Variants in NAALADL2 observed in about 807,000 individuals in gnomAD.
NAALADL2 encodes inactive N-acetylated-alpha-linked acidic dipeptidase-like protein 2.
In NAALADL2, 76 loss-of-function variants were observed where a neutral mutation model predicts 87.2. The ratio of observed to expected loss-of-function variants is 0.87; its 90% CI spans 0.72 to 1.05. The LOEUF (loss-of-function observed/expected upper bound fraction) is 1.05. NAALADL2 is among the 50% of genes least tolerant of loss of function. NAALADL2 has a pLI of 0.00. For missense variants in NAALADL2, 1,089 were observed against 945.8 expected (o/e 1.15, Z -1.99); for synonymous variants, 354 against 331.0 (o/e 1.07, Z -0.75).
intron 6 of NAALADL2, among the ~76,000 whole-genome samples, chr3:175,447,915 T>C (rs926592212): frequency 1.7e-4 from 26 of 152,290 alleles, no homozygotes; most frequent in African/African-American, 5.5e-4. Context: ...TGTGGAGGGA[T>C]GAAAGCCTTG....
At position 175,638,720 on chromosome 3, in the gene NAALADL2, C is replaced by A. The variant is rs1254153250; in HGVS notation, c.1896+11334C>A. On this transcript the variant is annotated intron_variant, in intron 11 of 13. Transcript: ENST00000454872. ...TTTACTTTAAAAATAAATTATATAA[C>A]TATTTTCCAGAAACCAAAACAGATG... 2.0e-5 allele frequency among the ~76,000 whole-genome samples: 3 copies of A among 152,124 alleles called. No homozygotes were observed. In the East Asian group the frequency reaches 5.8e-4, roughly 29 times the overall value.
intron 2 of NAALADL2, among the ~76,000 whole-genome samples, chr3:175,139,968 G>A (rs1232573454): frequency 6.8e-6 from 1 of 148,008 alleles, no homozygotes; most frequent in Non-Finnish European, 1.5e-5. Context: ...AAAAAGGATT[G>A]AATTAAATGA....
intron 2 of NAALADL2, among the ~76,000 whole-genome samples, chr3:175,183,294 C>A (rs1359954029): frequency 6.6e-6 from 1 of 150,572 alleles, no homozygotes; most frequent in Non-Finnish European, 1.5e-5. Context: ...TTCTTGATTT[C>A]TTTTTCAGAT....
At chr3:174,728,670 G>T (rs1345610522) in intron 2 of NAALADL2, among the ~76,000 whole-genome samples, 1 of 151,918 alleles carries the variant, frequency 6.6e-6, no homozygotes, top group Non-Finnish European at 1.5e-5. Context: ...TTTCACATAT[G>T]AGGAAATAAG....
intron 9 of NAALADL2, among the ~76,000 whole-genome samples, chr3:175,521,009 A>G (rs372289450): frequency 3.9e-5 from 6 of 152,280 alleles, no homozygotes; most frequent in African/African-American, 1.4e-4. Context: ...ATAAAAGTTG[A>G]ATAGTGTCTC....
chr3:175,738,449 G>A (rs1358452714), intron 12 of NAALADL2, among the ~76,000 whole-genome samples: 2 of 152,074 alleles, frequency 1.3e-5, no homozygotes, highest in Non-Finnish European at 1.5e-5. Flanking sequence ...GTTTCACCGT[G>A]TTGTCCAGGC....
intron 1 of NAALADL2, among the ~76,000 whole-genome samples, chr3:174,548,898 G>A (rs1344215107): frequency 6.6e-6 from 1 of 152,162 alleles, no homozygotes; most frequent in African/African-American, 2.4e-5. Context: ...AGAGTGCAGT[G>A]GCACGATCAC....
chr3:174,651,729 C>G (rs915681768), intron 2 of NAALADL2, among the ~76,000 whole-genome samples: 2 of 152,288 alleles, frequency 1.3e-5, no homozygotes, highest in East Asian at 3.9e-4. Context: ...TGCTTCAAAT[C>G]ATAGGCAAAG....
At chr3:174,948,162 C>CTTATTTATTTATTTATTTATTTAT (rs140866333) in intron 1 of NAALADL2, among the ~76,000 whole-genome samples, 6 of 150,196 alleles carry the variant, frequency 4.0e-5, no homozygotes, top group African/African-American at 1.2e-4. Flanking sequence ...CCATATAGAA[C>CTTATTTATTTATTTATTTATTTAT]TTATTTATTT....
chr3:175,314,642 G>A (rs1471982525), intron 4 of NAALADL2, among the ~76,000 whole-genome samples: 4 of 89,088 alleles, frequency 4.5e-5, no homozygotes, highest in Admixed American at 1.4e-4. Flanking sequence ...TAAAATTAGC[G>A]TTTTCTAGTA....
At chr3:175,699,649 C>T (rs1464932186) in intron 11 of NAALADL2, among the ~76,000 whole-genome samples, 3 of 151,964 alleles carry the variant, frequency 2.0e-5, no homozygotes, top group African/African-American at 7.2e-5. Flanking sequence ...AATTAAACAC[C>T]CACTGTTTAC....
chr3:174,696,745 C>T (rs1729057678), intron 2 of NAALADL2, among the ~76,000 whole-genome samples: 1 of 151,624 alleles, frequency 6.6e-6, no homozygotes, highest in Non-Finnish European at 1.5e-5. Flanking sequence ...TATTTTGTAA[C>T]TGCTTTCATT....
At chr3:175,394,486 C>A (rs180981746) in intron 5 of NAALADL2, among the ~76,000 whole-genome samples, 2 of 152,100 alleles carry the variant, frequency 1.3e-5, no homozygotes, top group Admixed American at 1.3e-4. Flanking sequence ...GTACAAATAT[C>A]ATGTGTCAAT....
At chr3:175,638,452 G>A (rs1352236956) in intron 11 of NAALADL2, among the ~76,000 whole-genome samples, 1 of 152,088 alleles carries the variant, frequency 6.6e-6, no homozygotes, top group Non-Finnish European at 1.5e-5. Flanking sequence ...CCACTTTTGG[G>A]AATTTTCCTG....
At chr3:175,788,090 T>G (rs1255132097) in intron 13 of NAALADL2, among the ~76,000 whole-genome samples, 26 of 77,454 alleles carry the variant, frequency 3.4e-4, no homozygotes, top group Admixed American at 2.8e-3. Context: ...TTTTACCTGT[T>G]TTTTTTTTTT....
At position 175,292,508 on chromosome 3, in the gene NAALADL2, A is replaced by G. The variant is rs1309721644; in HGVS notation, c.940-31667A>G. ...CTTAACACTTTGGTTTGGCCCATTG[A>G]TAATATTTCCACCTATTGTCACTAT... On this transcript the variant is annotated intron_variant, in intron 4 of 13. Coordinates refer to ENST00000454872, the MANE Select transcript of NAALADL2 (RefSeq NM_207015.3). Among the ~76,000 whole-genome samples, 4 of 152,000 alleles carry G rather than the reference A, an allele frequency of 2.6e-5. No individual in the cohort carries two copies. The East Asian group carries it at 7.7e-4, about 29-fold the overall frequency.
chr3:175,720,568 T>G (rs987236302), intron 11 of NAALADL2, among the ~76,000 whole-genome samples: 4 of 152,016 alleles, frequency 2.6e-5, no homozygotes, highest in Non-Finnish European at 5.9e-5. Context: ...TGGCTGATAA[T>G]TTTCCAATAT....
chr3:175,202,622 G>A (rs909046617), intron 2 of NAALADL2, among the ~76,000 whole-genome samples: 1 of 152,144 alleles, frequency 6.6e-6, no homozygotes, highest in Non-Finnish European at 1.5e-5. Context: ...GTGCTTTCCA[G>A]AGAGCATCAG....
chr3:174,865,531 A>G (rs749260300), intron 1 of NAALADL2, among the ~76,000 whole-genome samples: 1 of 151,990 alleles, frequency 6.6e-6, no homozygotes, highest in African/African-American at 2.4e-5. Context: ...ATCGTAGACC[A>G]GCCTATCTTC....
Sources: gnomAD v4.1 joint callset for allele counts (sites outside exome capture counted in the v4.1 genomes callset) on GRCh38, gnomAD v4.1.1 for gene constraint, MANE v1.5 for transcripts, NCBI Gene and HGNC (gene_info 2026-07-23, HGNC 2026-07-21) for gene names.